ACSS3: variants seen among roughly 807,000 people sequenced by gnomAD.
ACSS3 encodes acyl-CoA synthetase short-chain family member 3, mitochondrial.
Under a neutral mutation model 84.2 loss-of-function variants are expected in ACSS3, and 64 were observed. The observed-to-expected ratio is 0.76, with a 90% confidence interval of 0.62 to 0.94. The LOEUF (loss-of-function observed/expected upper bound fraction) is 0.94, where lower values mean the gene tolerates loss of function less well. ACSS3 is among the 40% of genes least tolerant of loss of function. The pLI is 0.00. For synonymous variants in ACSS3, 317 were observed against 310.1 expected (o/e 1.02, Z -0.23); for missense variants, 815 against 867.6 (o/e 0.94, Z 0.76).
intron 13 of ACSS3, among the ~76,000 whole-genome samples, chr12:81,249,027 G>A (rs2034072575): frequency 6.6e-6 from 1 of 151,958 alleles, no homozygotes; most frequent in South Asian, 2.1e-4. Context: ...TAAGAGGACA[G>A]TATCCTTGCA....
intron 13 of ACSS3, among the ~76,000 whole-genome samples, chr12:81,251,674 A>C (rs939051526): frequency 6.7e-6 from 1 of 150,010 alleles, no homozygotes. Context: ...TCTACAAAAA[A>C]AAAAAAAAAA....
At chr12:81,199,881 G>T in intron 9 of ACSS3, 1 of 340,314 alleles carries the variant, frequency 2.9e-6, no homozygotes, top group Non-Finnish European at 5.6e-6. Context: ...ACTGCACACT[G>T]CTCCCAGAGT....
intron 2 of ACSS3, among the ~76,000 whole-genome samples, chr12:81,119,470 T>G (rs1043531955): frequency 6.6e-6 from 1 of 152,108 alleles, no homozygotes; most frequent in Admixed American, 6.6e-5. Context: ...CTAATAAGCC[T>G]GAGGGTACTG....
chr12:81,168,442 A>G (rs1373548495), intron 7 of ACSS3, among the ~76,000 whole-genome samples: 1 of 152,214 alleles, frequency 6.6e-6, no homozygotes, highest in Non-Finnish European at 1.5e-5. Context: ...CAGAATATCC[A>G]TGAACTCCTC....
rs1322198011 is a variant in ACSS3, at chr12:81,078,096, C to G, written c.-25C>G. 6 of 1,458,322 alleles carry G rather than the reference C, an allele frequency of 4.1e-6. No homozygotes were observed. The East Asian group carries it at 1.5e-4, about 36-fold the overall frequency. 90.3% of individuals were successfully genotyped at this position (1,458,322 alleles called of 1,614,324 possible). A position where few individuals can be genotyped will look rare whatever the true frequency, so the allele number is the denominator to read the frequency against. ...GCAAGAGTACCATTTGTCGCACACT[C>G]GGGGACCGCGGGTGGCCGGAGGAGA... On this transcript the variant is annotated 5_prime_UTR_variant, in exon 1 of 16. Coordinates refer to ENST00000548058, the MANE Select transcript of ACSS3 (RefSeq NM_024560.4).
intron 2 of ACSS3, among the ~76,000 whole-genome samples, chr12:81,130,576 T>C (rs1178381146): frequency 6.6e-6 from 1 of 152,206 alleles, no homozygotes; most frequent in African/African-American, 2.4e-5. Flanking sequence ...ATTCTGTAGG[T>C]TGCATGTTCA....
chr12:81,224,240 C>T (rs555603577), intron 11 of ACSS3, among the ~76,000 whole-genome samples: 1 of 151,800 alleles, frequency 6.6e-6, no homozygotes, highest in African/African-American at 2.4e-5. Flanking sequence ...TGCATCTTTC[C>T]CTTCCTTCTG....
At chr12:81,225,241 TTTC>T (rs1189770199) in intron 11 of ACSS3, among the ~76,000 whole-genome samples, 1 of 151,902 alleles carries the variant, frequency 6.6e-6, no homozygotes, top group African/African-American at 2.4e-5. Flanking sequence ...CTTCTCCCCT[TTTC>T]TTTAGGAATA....
At chr12:81,198,381 A>G (rs2031940098) in intron 8 of ACSS3, among the ~76,000 whole-genome samples, 1 of 152,192 alleles carries the variant, frequency 6.6e-6, no homozygotes, top group South Asian at 2.1e-4. Context: ...GGAACATAGG[A>G]GTGGAAGTAT....
intron 8 of ACSS3, among the ~76,000 whole-genome samples, chr12:81,179,271 CAAAAAAAAA>C (rs71098127): frequency 1.5e-5 from 1 of 66,782 alleles, no homozygotes; most frequent in East Asian, 4.8e-4. Flanking sequence ...AAGTAATTGC[CAAAAAAAAA>C]AAAAAAAAAG....
chr12:81,217,665 A>C (rs2032969350), intron 10 of ACSS3, among the ~76,000 whole-genome samples: 1 of 152,098 alleles, frequency 6.6e-6, no homozygotes, highest in Non-Finnish European at 1.5e-5. Context: ...CAACATGGTG[A>C]AACCTCGTCT....
intron 9 of ACSS3, among the ~76,000 whole-genome samples, chr12:81,202,305 A>T (rs1022069155): frequency 6.7e-6 from 1 of 148,788 alleles, no homozygotes; most frequent in Non-Finnish European, 1.5e-5. Flanking sequence ...TAAATAAATA[A>T]AAATAAAAAT....
At position 81,092,317 on chromosome 12, in the gene ACSS3, G is replaced by A. The variant is rs573810811; in HGVS notation, c.311+13886G>A. 3.8e-4 allele frequency among the ~76,000 whole-genome samples: 58 copies of A among 152,162 alleles called. 1 individual carries two copies. Among genetic ancestry groups the A allele is most frequent in the Admixed American group, 7.9e-4 (12 of 15,278 alleles). On this transcript the variant is annotated intron_variant, in intron 1 of 15. Coordinates refer to ENST00000548058, the MANE Select transcript of ACSS3 (RefSeq NM_024560.4). Reference sequence around the variant, plus strand: ...TAAAAAACAATGTTACACATCAAGCGAGGAAAAAGGGCATTTTGCTTATAG... The same window carrying A: ...TAAAAAACAATGTTACACATCAAGCAAGGAAAAAGGGCATTTTGCTTATAG...
intron 9 of ACSS3, among the ~76,000 whole-genome samples, chr12:81,214,187 G>C (rs2032812705): frequency 6.6e-6 from 1 of 151,496 alleles, no homozygotes; most frequent in African/African-American, 2.4e-5. Flanking sequence ...CACCACGCCT[G>C]GCTAATTTTT....
chr12:81,120,534 C>T (rs2121533460), intron 2 of ACSS3, among the ~76,000 whole-genome samples: 1 of 152,248 alleles, frequency 6.6e-6, no homozygotes, highest in Non-Finnish European at 1.5e-5. Context: ...AAATTGAGGA[C>T]ACTGAGTGGC....
Position 81,259,089 on chromosome 12 carries a change from C to CAG in ACSS3, c.*4170_*4171dup, listed in dbSNP as rs958236961. 3.5e-5 allele frequency: 6 copies of CAG among 170,418 alleles called. No homozygotes were observed. Among genetic ancestry groups the CAG allele is most frequent in the African/African-American group, 1.4e-4 (6 of 41,456 alleles). 10.6% of individuals were successfully genotyped at this position (170,418 alleles called of 1,614,324 possible). On this transcript the variant is annotated 3_prime_UTR_variant, in exon 16 of 16. Transcript: ENST00000548058. ...GTTAAATCATTCTTTTTTACATGAT[C>CAG]AGAGGCAGGTTGTTCAGCTTTAAGT...
intron 2 of ACSS3, among the ~76,000 whole-genome samples, chr12:81,128,453 T>C (rs1254732687): frequency 1.3e-5 from 2 of 152,184 alleles, no homozygotes; most frequent in Non-Finnish European, 2.9e-5. Context: ...AATTCACACA[T>C]TGGTAGCATA....
At chr12:81,198,852 A>T (rs1041954044) in intron 8 of ACSS3, among the ~76,000 whole-genome samples, 1 of 152,176 alleles carries the variant, frequency 6.6e-6, no homozygotes, top group Non-Finnish European at 1.5e-5. Context: ...ATATATACTC[A>T]AAATTAGAGT....
intron 4 of ACSS3, 24 bp from the exon 5 acceptor site, chr12:81,143,083 T>C (rs761375793): frequency 2.5e-6 from 4 of 1,604,746 alleles, no homozygotes; most frequent in Non-Finnish European, 2.6e-6. Context: ...TTACAGTACA[T>C]ATTCTTATAT....
Sources: gnomAD v4.1 joint callset for allele counts (sites outside exome capture counted in the v4.1 genomes callset) on GRCh38, gnomAD v4.1.1 for gene constraint, MANE v1.5 for transcripts, NCBI Gene and HGNC (gene_info 2026-07-23, HGNC 2026-07-21) for gene names.